GOLIM4: variants seen among roughly 807,000 people sequenced by gnomAD.
The protein encoded by GOLIM4 is golgi integral membrane protein 4, also known as 130 kDa golgi-localized phosphoprotein.
Under a neutral mutation model 107.4 loss-of-function variants are expected in GOLIM4, and 71 were observed. That is an observed-to-expected ratio of 0.66 (90% CI 0.55 to 0.81). GOLIM4 has a LOEUF of 0.81. Ranked by LOEUF, GOLIM4 falls within the 30% of genes least tolerant of loss-of-function variation. The pLI is 0.00. For missense variants in GOLIM4, 830 were observed against 826.1 expected, an observed-to-expected ratio of 1.00 and a Z score of -0.06; for synonymous variants, 327 against 294.8, an observed-to-expected ratio of 1.11 and a Z score of -1.12.
chr3:168,054,087 A>C (rs1719799234), intron 1 of GOLIM4, among the ~76,000 whole-genome samples: 1 of 152,168 alleles, frequency 6.6e-6, no homozygotes, highest in African/African-American at 2.4e-5. Flanking sequence ...ACAACCTCTC[A>C]CAGATGACTC....
rs1716972682 is a variant in GOLIM4 at position 168,010,877 on chromosome 3, A to AT, written c.1861-55dup. Reference sequence around the variant, plus strand: ...CACTTTTGTCTTTCAAGCACTTGCGATAATATATTTTGACACTGTTATCAT... The same window carrying AT: ...CACTTTTGTCTTTCAAGCACTTGCGATTAATATATTTTGACACTGTTATCAT... On this transcript the variant is annotated intron_variant, in intron 14 of 15. Transcript: ENST00000470487. 3 of 1,180,308 alleles carry AT rather than the reference A, an allele frequency of 2.5e-6. No individual in the cohort carries two copies. In the African/African-American group the frequency reaches 4.5e-5, roughly 18 times the overall value. 73.1% of individuals were successfully genotyped at this position (1,180,308 alleles called of 1,614,324 possible). A position where few individuals can be genotyped will look rare whatever the true frequency, so the allele number is the denominator to read the frequency against.
At chr3:168,071,585 G>C (rs1288055042) in intron 1 of GOLIM4, among the ~76,000 whole-genome samples, 1 of 151,038 alleles carries the variant, frequency 6.6e-6, no homozygotes, top group Non-Finnish European at 1.5e-5. Flanking sequence ...GCAACAGAAA[G>C]AGGGCCAAAC....
chr3:168,042,253 T>G (rs79604153), intron 5 of GOLIM4, among the ~76,000 whole-genome samples: 1 of 152,046 alleles, frequency 6.6e-6, no homozygotes, highest in Non-Finnish European at 1.5e-5. Context: ...TTTTTTTTTT[T>G]GACAGAGTCT....
At position 168,029,887 on chromosome 3, in the gene GOLIM4, G is replaced by A; in HGVS notation, c.1326C>T (p.His442=). The change falls in exon 10 of 16, where the codon CAC becomes CAT. Residue 442 remains histidine, a synonymous_variant. Transcript: ENST00000470487. ...GCTGCTGTTCCTGCTGCCGTAGTAA[G>A]TGCCCCTGCAGCCTCTGCTGGTGCA... ...EALHQQRLQG[H]LLRQQEQQQQ... is the part of the protein sequence containing the mutation. 6.2e-7 allele frequency: 1 copy of A among 1,614,076 alleles called. No homozygotes were observed.
At chr3:168,072,666 G>C (rs1313612347) in intron 1 of GOLIM4, among the ~76,000 whole-genome samples, 2 of 152,082 alleles carry the variant, frequency 1.3e-5, no homozygotes, top group Admixed American at 6.5e-5. Context: ...GGGGGTGGGT[G>C]TCTTTTATAT....
intron 14 of GOLIM4, among the ~76,000 whole-genome samples, chr3:168,011,314 C>T (rs1232547004): frequency 6.6e-6 from 1 of 152,186 alleles, no homozygotes; most frequent in Admixed American, 6.5e-5. Context: ...TCACTCCCAC[C>T]CAAATACTGC....
At chr3:168,019,465 T>G (rs990949582) in intron 14 of GOLIM4, among the ~76,000 whole-genome samples, 2 of 152,182 alleles carry the variant, frequency 1.3e-5, no homozygotes, top group African/African-American at 2.4e-5. Flanking sequence ...TGATGTCTCA[T>G]CCATACTTAC....
intron 1 of GOLIM4, among the ~76,000 whole-genome samples, chr3:168,052,398 ACTCT>A (rs199959906): frequency 8.7e-5 from 13 of 149,846 alleles, no homozygotes; most frequent in East Asian, 2.0e-4. Context: ...TCACACACAC[ACTCT>A]CTCTCACACA....
chr3:168,057,500 C>G (rs2108264307), intron 1 of GOLIM4, among the ~76,000 whole-genome samples: 1 of 152,268 alleles, frequency 6.6e-6, no homozygotes, highest in African/African-American at 2.4e-5. Flanking sequence ...AAGCAAGGCA[C>G]CTCTTACAAG....
chr3:168,029,403 T>A (rs1299252985), intron 10 of GOLIM4, 101 bp from the exon 11 acceptor site: 1 of 718,920 alleles, frequency 1.4e-6, no homozygotes, highest in African/African-American at 1.8e-5. Flanking sequence ...GTAATGTTTC[T>A]CAACATTTTT....
chr3:168,028,331 G>T (rs1040295742), intron 11 of GOLIM4, among the ~76,000 whole-genome samples: 1 of 152,170 alleles, frequency 6.6e-6, no homozygotes, highest in African/African-American at 2.4e-5. Flanking sequence ...GATGATGACC[G>T]CCACAGCCCA....
intron 1 of GOLIM4, among the ~76,000 whole-genome samples, chr3:168,062,472 T>C (rs1047324868): frequency 1.3e-5 from 2 of 151,900 alleles, no homozygotes; most frequent in African/African-American, 4.8e-5. Context: ...GACACATTCC[T>C]AAGAATAAAT....
In GOLIM4 at chr3:168,047,114, A is replaced by C. The variant is rs572038004; in HGVS notation, c.263-115T>G. ...TACAAAAGTGTTTTAGGTTTAAAAC[A>C]ATCTACTTGGTGATTTACATACTTT... On this transcript the variant is annotated intron_variant, in intron 2 of 15. Coordinates refer to ENST00000470487, the MANE Select transcript of GOLIM4 (RefSeq NM_014498.5). The C allele has an allele frequency of 1.5e-4, 81 of 545,200 alleles. 1 individual carries two copies. In the East Asian group the frequency reaches 2.7e-3, roughly 18 times the overall value. The allele number at this position is 545,200 out of a possible 1,614,324, so 33.8% of individuals were successfully genotyped here.
At chr3:168,034,216 T>C (rs2108233901) in intron 8 of GOLIM4, among the ~76,000 whole-genome samples, 1 of 152,316 alleles carries the variant, frequency 6.6e-6, no homozygotes, top group African/African-American at 2.4e-5. Flanking sequence ...CAGAAAAATA[T>C]TTCTCTAAAG....
At chr3:168,010,459 A>T in intron 15 of GOLIM4, 41 bp from the exon 16 acceptor site, 1 of 1,283,380 alleles carries the variant, frequency 7.8e-7, no homozygotes, top group Non-Finnish European at 1.1e-6. Context: ...GAGATAGTAT[A>T]GAGTTAGTGA....
intron 1 of GOLIM4, among the ~76,000 whole-genome samples, chr3:168,060,942 T>G (rs377530038): frequency 0.026 from 2,732 of 105,116 alleles, 84 homozygotes; most frequent in African/African-American, 0.084. Flanking sequence ...AAATTAACTT[T>G]GTATGTGTAG....
chr3:168,078,570 A>T (rs895270479), intron 1 of GOLIM4, among the ~76,000 whole-genome samples: 1 of 152,156 alleles, frequency 6.6e-6, no homozygotes, highest in South Asian at 2.1e-4. Context: ...AGATATTTAC[A>T]TTAACTCTGT....
chr3:168,020,813 GGCAGTAATGCCTTTAA>G (rs1717636842), intron 14 of GOLIM4, among the ~76,000 whole-genome samples: 1 of 152,164 alleles, frequency 6.6e-6, no homozygotes, highest in Non-Finnish European at 1.5e-5. Context: ...TCATCTGAAA[GGCAGTAATGCCTTTAA>G]GTAATGCTTC....
chr3:168,015,492 T>C (rs1441982825), intron 14 of GOLIM4, among the ~76,000 whole-genome samples: 1 of 136,858 alleles, frequency 7.3e-6, no homozygotes, highest in African/African-American at 3.6e-5. Flanking sequence ...TTCAATGCCA[T>C]CCCCATCAAG....
Sources: allele counts gnomAD v4.1 joint callset (sites outside exome capture counted in the v4.1 genomes callset), GRCh38; gene constraint gnomAD v4.1.1; transcripts MANE v1.5; gene names NCBI Gene and HGNC (gene_info 2026-07-23, HGNC 2026-07-21).